Variants in JAZF1 observed in about 807,000 individuals in gnomAD.
The protein encoded by JAZF1 is JAZF zinc finger 1.
A neutral mutation model predicts 26.4 loss-of-function variants in JAZF1; 8 were observed. The observed-to-expected ratio is 0.30, with a 90% confidence interval of 0.18 to 0.55. JAZF1 has a LOEUF of 0.55. Among genes scored for constraint, JAZF1 ranks in the 20% least tolerant of loss-of-function variants. JAZF1 has a pLI of 0.94. For missense variants in JAZF1, 199 were observed against 322.0 expected (o/e 0.62, Z 2.92); for synonymous variants, 126 against 122.3 (o/e 1.03, Z -0.20).
chr7:27,898,177 G>A (rs865925024), intron 2 of JAZF1, among the ~76,000 whole-genome samples: 10 of 151,828 alleles, frequency 6.6e-5, no homozygotes, highest in South Asian at 2.1e-4. Flanking sequence ...CAGAAATTCC[G>A]TTTGTGGAAT....
intron 3 of JAZF1, among the ~76,000 whole-genome samples, chr7:27,857,302 C>T (rs974449888): frequency 8.5e-5 from 13 of 152,312 alleles, no homozygotes; most frequent in East Asian, 1.9e-4. Context: ...CTGGCCGCTC[C>T]GAGTGCGGGG....
At chr7:28,096,613 G>C (rs1784389490) in intron 1 of JAZF1, among the ~76,000 whole-genome samples, 2 of 152,172 alleles carry the variant, frequency 1.3e-5, no homozygotes, top group Admixed American at 6.5e-5. Flanking sequence ...CAGAACTGCA[G>C]CTCAAATCTG....
chr7:27,998,747 T>G (rs1786073349), intron 1 of JAZF1, among the ~76,000 whole-genome samples: 1 of 152,254 alleles, frequency 6.6e-6, no homozygotes, highest in Non-Finnish European at 1.5e-5. Context: ...ATATTCACAT[T>G]TGTAGCCTGA....
chr7:27,886,710 T>A (rs1428522817), intron 3 of JAZF1, among the ~76,000 whole-genome samples: 1 of 152,238 alleles, frequency 6.6e-6, no homozygotes, highest in Non-Finnish European at 1.5e-5. Context: ...TATTAAGGGA[T>A]GTAAGTTCTA....
chr7:28,074,049 T>C (rs986296193), intron 1 of JAZF1, among the ~76,000 whole-genome samples: 7 of 150,886 alleles, frequency 4.6e-5, no homozygotes, highest in Admixed American at 4.0e-4. Context: ...TGCTTTATTA[T>C]AAAATTAGCT....
chr7:28,055,377 T>C (rs1388183001), intron 1 of JAZF1, among the ~76,000 whole-genome samples: 2 of 152,058 alleles, frequency 1.3e-5, no homozygotes, highest in Non-Finnish European at 2.9e-5. Flanking sequence ...ACTCCAGGGT[T>C]AGCCACATGC....
intron 1 of JAZF1, among the ~76,000 whole-genome samples, chr7:28,163,793 G>C (rs145518772): frequency 1.9e-3 from 285 of 152,266 alleles, no homozygotes; most frequent in African/African-American, 6.5e-3. Context: ...GAGTACCGTG[G>C]TCACTTTAGG....
chr7:27,961,313 G>T (rs1785181776), intron 2 of JAZF1, among the ~76,000 whole-genome samples: 1 of 152,116 alleles, frequency 6.6e-6, no homozygotes, highest in South Asian at 2.1e-4. Context: ...TGTGTTCCTG[G>T]TCACTAAGCT....
intron 1 of JAZF1, among the ~76,000 whole-genome samples, chr7:28,036,769 G>C (rs991068168): frequency 2.6e-5 from 4 of 152,232 alleles, no homozygotes; most frequent in African/African-American, 9.6e-5. Context: ...GCACTCAGGG[G>C]TATGGGATGT....
chr7:28,129,633 A>G (rs1412455620), intron 1 of JAZF1, among the ~76,000 whole-genome samples: 1 of 152,222 alleles, frequency 6.6e-6, no homozygotes, highest in African/African-American at 2.4e-5. Context: ...GGTGTTTACT[A>G]AAGCAGTTGA....
intron 1 of JAZF1, among the ~76,000 whole-genome samples, chr7:28,092,260 A>C (rs1784309697): frequency 7.0e-6 from 1 of 142,016 alleles, no homozygotes; most frequent in Non-Finnish European, 1.5e-5. Flanking sequence ...AATAATCTAA[A>C]CTCTAACATC....
At chr7:27,910,696 C>T (rs1194647852) in intron 2 of JAZF1, among the ~76,000 whole-genome samples, 2 of 152,194 alleles carry the variant, frequency 1.3e-5, no homozygotes, top group African/African-American at 4.8e-5. Context: ...GGCAAACCCT[C>T]TTTAAAACCC....
At chr7:28,118,725 A>G (rs1431209615) in intron 1 of JAZF1, among the ~76,000 whole-genome samples, 1 of 151,562 alleles carries the variant, frequency 6.6e-6, no homozygotes, top group African/African-American at 2.4e-5. Flanking sequence ...TGAGGTTGTA[A>G]GATTAGTTGT....
In JAZF1 at chr7:28,072,675, C is replaced by T. The variant is rs574546372; in HGVS notation, c.116-80694G>A. Among the ~76,000 whole-genome samples, 213 of 152,276 alleles carry T rather than the reference C, an allele frequency of 1.4e-3. 1 individual carries two copies. Among genetic ancestry groups the T allele is most frequent in the Non-Finnish European group, 1.4e-3 (96 of 68,022 alleles). On this transcript the variant is annotated intron_variant, in intron 1 of 4. Transcript: ENST00000283928. ...CCCTTCCACCACCACCCCACCCAAA[C>T]ATGTATAATTAACGTTTTAGAAGGA... is the stretch of plus-strand genomic sequence containing the variant.
intron 1 of JAZF1, among the ~76,000 whole-genome samples, chr7:28,174,146 A>G (rs1258603590): frequency 6.6e-6 from 1 of 152,188 alleles, no homozygotes; most frequent in African/African-American, 2.4e-5. Context: ...ATGAGTATCT[A>G]CAATCCAGCA....
intron 1 of JAZF1, among the ~76,000 whole-genome samples, chr7:28,080,353 C>A (rs1784115264): frequency 6.6e-6 from 1 of 152,242 alleles, no homozygotes; most frequent in African/African-American, 2.4e-5. Context: ...AACACTCAGA[C>A]TTTCTCCCTA....
In JAZF1 at chr7:27,840,460, C is replaced by T. The variant is rs954379604; in HGVS notation, c.555+238G>A. Among the ~76,000 whole-genome samples, 2 of 152,254 alleles carry T rather than the reference C, an allele frequency of 1.3e-5. No homozygotes were observed. Among genetic ancestry groups the T allele is most frequent in the Non-Finnish European group, 2.9e-5 (2 of 68,038 alleles). ...TCCTACAAAAGCTCTCTCTTGACTG[C>T]CAGGCTCCCACGTAGGTGAGCAGAG... On this transcript the variant is annotated intron_variant, in intron 4 of 4. Coordinates refer to ENST00000283928, the MANE Select transcript of JAZF1 (RefSeq NM_175061.4). This position sits in a 1 kb window ranked among gnomAD's most constrained non-coding sequence, Gnocchi z 5.1.
chr7:28,088,825 T>C (rs978868136), intron 1 of JAZF1, among the ~76,000 whole-genome samples: 8 of 152,250 alleles, frequency 5.3e-5, no homozygotes, highest in East Asian at 1.9e-4. Flanking sequence ...GATGTTTCTG[T>C]GAGTTTACAT....
intron 2 of JAZF1, among the ~76,000 whole-genome samples, chr7:27,983,879 C>A (rs185515723): frequency 2.6e-5 from 4 of 152,204 alleles, no homozygotes; most frequent in South Asian, 2.1e-4. Context: ...GAAATAAAAT[C>A]CTTTACAGAC....
Sources: gnomAD v4.1 joint callset for allele counts (sites outside exome capture counted in the v4.1 genomes callset) on GRCh38, gnomAD v4.1.1 for gene constraint, Gnocchi (gnomAD v3.1) non-coding constraint, MANE v1.5 for transcripts, NCBI Gene and HGNC (gene_info 2026-07-23, HGNC 2026-07-21) for gene names.